Variants in PTPRD observed in about 807,000 individuals in gnomAD.
The protein encoded by PTPRD is receptor-type tyrosine-protein phosphatase delta.
A neutral mutation model predicts 214.5 loss-of-function variants in PTPRD; 34 were observed. That is an observed-to-expected ratio of 0.16 (90% CI 0.12 to 0.21). PTPRD has a LOEUF of 0.21. Ranked by LOEUF, PTPRD falls within the 10% of genes least tolerant of loss-of-function variation. The pLI, the probability that PTPRD is intolerant of heterozygous loss-of-function variation, is 1.00. For synonymous variants in PTPRD, 1,128 were observed against 845.7 expected, an observed-to-expected ratio of 1.33 and a Z score of -5.79; for missense variants, 2,545 against 2,398.7, an observed-to-expected ratio of 1.06 and a Z score of -1.27.
At chr9:8,749,531 C>T (rs535624127) in intron 11 of PTPRD, among the ~76,000 whole-genome samples, 45 of 152,068 alleles carry the variant, frequency 3.0e-4, no homozygotes, top group Non-Finnish European at 4.7e-4. Context: ...TGACCATAGA[C>T]AAAAATGACA....
chr9:9,956,855 A>C (rs1234697181), intron 4 of PTPRD, among the ~76,000 whole-genome samples: 1 of 152,206 alleles, frequency 6.6e-6, no homozygotes, highest in Non-Finnish European at 1.5e-5. Context: ...AAGCACATAA[A>C]ATGTATGAAT....
intron 5 of PTPRD, among the ~76,000 whole-genome samples, chr9:9,828,824 AT>A (rs2053868533): frequency 6.6e-6 from 1 of 151,882 alleles, no homozygotes. Flanking sequence ...AATTAAAAGC[AT>A]TTCATGCTAG....
At chr9:8,929,705 G>A (rs1567059697) in intron 11 of PTPRD, among the ~76,000 whole-genome samples, 2 of 130,740 alleles carry the variant, frequency 1.5e-5, no homozygotes, top group African/African-American at 3.2e-5. Context: ...ATATATATGT[G>A]TATATATATA....
intron 4 of PTPRD, among the ~76,000 whole-genome samples, chr9:9,942,380 C>G (rs2091698448): frequency 6.6e-6 from 1 of 152,012 alleles, no homozygotes; most frequent in Admixed American, 6.6e-5. Context: ...TACTGATATA[C>G]CATAATTTAA....
At chr9:10,121,273 CA>C (rs2154248262) in intron 3 of PTPRD, among the ~76,000 whole-genome samples, 1 of 152,156 alleles carries the variant, frequency 6.6e-6, no homozygotes, top group Non-Finnish European at 1.5e-5. Flanking sequence ...GAAATGGTAG[CA>C]TGGATAATCC....
At chr9:9,231,048 T>TCTGTC (rs1450357129) in intron 9 of PTPRD, among the ~76,000 whole-genome samples, 3 of 149,414 alleles carry the variant, frequency 2.0e-5, no homozygotes, top group African/African-American at 7.3e-5. Context: ...TCTGTGTATG[T>TCTGTC]CTGTCGGGGG....
At chr9:10,266,532 A>C (rs1016123046) in intron 3 of PTPRD, among the ~76,000 whole-genome samples, 11 of 152,190 alleles carry the variant, frequency 7.2e-5, no homozygotes. Flanking sequence ...ATCTTGAAAG[A>C]AATCCGGTTA....
intron 8 of PTPRD, among the ~76,000 whole-genome samples, chr9:9,473,496 G>T (rs2094782898): frequency 6.6e-6 from 1 of 152,138 alleles, no homozygotes; most frequent in African/African-American, 2.4e-5. Flanking sequence ...CCAGGAGTGA[G>T]ATTGCTGGAG....
At chr9:8,901,570 C>G (rs2098669042) in intron 11 of PTPRD, among the ~76,000 whole-genome samples, 1 of 152,150 alleles carries the variant, frequency 6.6e-6, no homozygotes, top group Non-Finnish European at 1.5e-5. Flanking sequence ...GTAACTTATC[C>G]AAGCTCTCAG....
At chr9:10,400,411 C>G (rs1424042510) in intron 2 of PTPRD, among the ~76,000 whole-genome samples, 1 of 151,584 alleles carries the variant, frequency 6.6e-6, no homozygotes. Context: ...AATTAGTTGA[C>G]TTATTTTTCT....
At chr9:10,493,717 T>C (rs1051799824) in intron 2 of PTPRD, among the ~76,000 whole-genome samples, 1 of 152,030 alleles carries the variant, frequency 6.6e-6, no homozygotes, top group East Asian at 1.9e-4. Context: ...AGTTTGGAAA[T>C]TTATAAAGTT....
At chr9:9,731,918 C>G (rs1439539514) in intron 7 of PTPRD, among the ~76,000 whole-genome samples, 1 of 152,126 alleles carries the variant, frequency 6.6e-6, no homozygotes, top group Non-Finnish European at 1.5e-5. Context: ...ATTTAGCAAA[C>G]TTGCAGAATT....
chr9:8,375,538 A>AT lies in PTPRD; in HGVS notation c.4661+397dup, dbSNP rs375738427. Among the ~76,000 whole-genome samples the AT allele has an allele frequency of 5.8e-4, 88 of 152,062 alleles. 1 individual carries two copies. Among genetic ancestry groups the AT allele is most frequent in the African/African-American group, 2.0e-3 (83 of 41,494 alleles). ...TGATATATTATTATTTTGTTCAGTA[A>AT]TTTTTTTCCCCTATAAATAGTAAAA... On this transcript the variant is annotated intron_variant, in intron 39 of 45. Transcript: ENST00000381196.
chr9:8,934,119 C>A (rs1211170488), intron 11 of PTPRD, among the ~76,000 whole-genome samples: 1 of 151,532 alleles, frequency 6.6e-6, no homozygotes, highest in African/African-American at 2.4e-5. Context: ...ATGGCTAATG[C>A]TGAACTGATA....
intron 3 of PTPRD, among the ~76,000 whole-genome samples, chr9:10,223,417 C>T (rs1473474886): frequency 6.6e-6 from 1 of 151,906 alleles, no homozygotes; most frequent in Admixed American, 6.6e-5. Flanking sequence ...GTAATCTCAG[C>T]AGTTTGGGAT....
At chr9:10,147,469 G>T (rs144184476) in intron 3 of PTPRD, among the ~76,000 whole-genome samples, 2 of 152,080 alleles carry the variant, frequency 1.3e-5, no homozygotes, top group African/African-American at 4.8e-5. Context: ...CCTGAGTTAC[G>T]TTTTAAAAAT....
chr9:10,028,003 G>A (rs1021608685), intron 4 of PTPRD, among the ~76,000 whole-genome samples: 2 of 152,090 alleles, frequency 1.3e-5, no homozygotes, highest in African/African-American at 4.8e-5. Flanking sequence ...TGGGTCATAT[G>A]GTTTGACTTT....
At chr9:9,714,932 A>T (rs1021549926) in intron 7 of PTPRD, among the ~76,000 whole-genome samples, 11 of 152,168 alleles carry the variant, frequency 7.2e-5, no homozygotes, top group Non-Finnish European at 1.5e-4. Context: ...TAAAATATTT[A>T]GTATATTATG....
intron 3 of PTPRD, among the ~76,000 whole-genome samples, chr9:10,273,559 G>A (rs911275659): frequency 6.6e-6 from 1 of 152,066 alleles, no homozygotes; most frequent in African/African-American, 2.4e-5. Context: ...CATTTATTTT[G>A]TTAAAAATAT....
Sources: allele counts gnomAD v4.1 joint callset (sites outside exome capture counted in the v4.1 genomes callset), GRCh38; gene constraint gnomAD v4.1.1; transcripts MANE v1.5; gene names NCBI Gene and HGNC (gene_info 2026-07-23, HGNC 2026-07-21).